The following CSMD1 variants were observed in gnomAD, a reference collection of about 807,000 sequenced individuals.
CSMD1 encodes the protein CUB and sushi domain-containing protein 1.
Under a neutral mutation model 417.5 loss-of-function variants are expected in CSMD1, and 213 were observed. The ratio of observed to expected loss-of-function variants is 0.51; its 90% CI spans 0.46 to 0.57. The LOEUF (loss-of-function observed/expected upper bound fraction) is 0.57, where lower values mean the gene tolerates loss of function less well. Ranked by LOEUF, CSMD1 falls within the 20% of genes least tolerant of loss-of-function variation. The probability of loss-of-function intolerance (pLI) is 0.00; values close to 1 mark genes in which losing one functional copy is unlikely to be tolerated. For missense variants in CSMD1, 6,923 were observed against 4,529.7 expected, an observed-to-expected ratio of 1.53 and a Z score of -15.17; for synonymous variants, 2,862 against 1,736.8, an observed-to-expected ratio of 1.65 and a Z score of -16.11.
Position 3,935,581 on chromosome 8 carries a change from C to T in CSMD1, c.818+62322G>A, listed in dbSNP as rs1349112739. On this transcript the variant is annotated intron_variant, in intron 5 of 69. Coordinates refer to ENST00000635120, the MANE Select transcript of CSMD1 (RefSeq NM_033225.6). ...ATATGATTGTACTTGCTATGGTGAT[C>T]TGTCATCAGTAATTTTTGTTGTAAC... Among the ~76,000 whole-genome samples, 4 of 152,082 alleles carry T rather than the reference C, an allele frequency of 2.6e-5. No homozygotes were observed. In the East Asian group the frequency reaches 7.7e-4, roughly 29 times the overall value.
intron 3 of CSMD1, among the ~76,000 whole-genome samples, chr8:4,279,357 G>A (rs993241948): frequency 3.9e-5 from 6 of 152,088 alleles, no homozygotes; most frequent in Non-Finnish European, 4.4e-5. Flanking sequence ...GGTGGCAAAC[G>A]GACATCTCAA....
Position 4,815,734 on chromosome 8 carries a change from C to G in CSMD1, c.86-178176G>C, listed in dbSNP as rs62484626. 8.4e-3 allele frequency among the ~76,000 whole-genome samples: 1,250 copies of G among 148,188 alleles called. 10 individuals are homozygous for G. Among genetic ancestry groups the G allele is most frequent in the Non-Finnish European group, 0.014 (963 of 67,176 alleles). The stretch of plus-strand genomic sequence containing the variant: ...AAAAAAAAAAGAAGAGAAAGGAAAC[C>G]TTTAAATCTTTTTAAAAGGAGTTTA... On this transcript the variant is annotated intron_variant, in intron 1 of 69. Coordinates refer to ENST00000635120, the MANE Select transcript of CSMD1 (RefSeq NM_033225.6).
chr8:3,989,736 A>G (rs1218776464), intron 5 of CSMD1, among the ~76,000 whole-genome samples: 2 of 152,246 alleles, frequency 1.3e-5, no homozygotes, highest in Non-Finnish European at 2.9e-5. Flanking sequence ...TACTAAAGTC[A>G]TAGGTGGGAA....
At chr8:4,285,320 CCTTTA>C (rs1797003202) in intron 3 of CSMD1, among the ~76,000 whole-genome samples, 1 of 152,240 alleles carries the variant, frequency 6.6e-6, no homozygotes, top group East Asian at 1.9e-4. Flanking sequence ...CATGTGCAGT[CCTTTA>C]CTTTATATTT....
intron 3 of CSMD1, among the ~76,000 whole-genome samples, chr8:4,146,231 A>T (rs1440260130): frequency 6.6e-6 from 1 of 151,016 alleles, no homozygotes; most frequent in Non-Finnish European, 1.5e-5. Flanking sequence ...GAACTTGGAG[A>T]AAACCTCTCC....
At chr8:3,496,693 G>T (rs989767747) in intron 10 of CSMD1, among the ~76,000 whole-genome samples, 1 of 152,088 alleles carries the variant, frequency 6.6e-6, no homozygotes, top group Non-Finnish European at 1.5e-5. Flanking sequence ...TGGCATGGTG[G>T]CGTGTGCCTA....
intron 1 of CSMD1, among the ~76,000 whole-genome samples, chr8:4,657,166 G>A (rs1251485487): frequency 6.6e-6 from 1 of 152,118 alleles, no homozygotes; most frequent in African/African-American, 2.4e-5. Flanking sequence ...TCACACATAT[G>A]CCCAGGGCAG....
chr8:3,784,020 A>G (rs1428707823), intron 5 of CSMD1, among the ~76,000 whole-genome samples: 4 of 152,208 alleles, frequency 2.6e-5, no homozygotes, highest in Non-Finnish European at 5.9e-5. Flanking sequence ...AATGTTTATC[A>G]TCGTACAACA....
At chr8:3,972,551 A>G (rs1813159789) in intron 5 of CSMD1, among the ~76,000 whole-genome samples, 1 of 152,136 alleles carries the variant, frequency 6.6e-6, no homozygotes, top group Non-Finnish European at 1.5e-5. Context: ...GTGACCACAT[A>G]TTGCTCACAG....
At chr8:4,472,283 T>TA (rs1230045196) in intron 2 of CSMD1, among the ~76,000 whole-genome samples, 2 of 152,168 alleles carry the variant, frequency 1.3e-5, no homozygotes, top group African/African-American at 4.8e-5. Flanking sequence ...TTCTAATAAT[T>TA]AAAAAAGTAA....
At position 3,524,574 on chromosome 8, in the gene CSMD1, CACTT is replaced by C. The variant is rs1393059583; in HGVS notation, c.1345-30852_1345-30849del. 7.1e-5 allele frequency among the ~76,000 whole-genome samples: 10 copies of C among 141,522 alleles called. No homozygotes were observed. In the East Asian group the frequency reaches 2.0e-3, roughly 29 times the overall value. The allele number at this position is 141,522 out of a possible 152,430, so 92.8% of individuals were successfully genotyped here. ...ATGCACACACACATGCATACCCAGACACTTATGCACACACAAGGACACACATCCA... is the reference window on the plus strand; with the variant it reads ...ATGCACACACACATGCATACCCAGACATGCACACACAAGGACACACATCCA... On this transcript the variant is annotated intron_variant, in intron 10 of 69. Coordinates refer to ENST00000635120, the MANE Select transcript of CSMD1 (RefSeq NM_033225.6).
intron 10 of CSMD1, among the ~76,000 whole-genome samples, chr8:3,554,713 T>A (rs1394001480): frequency 6.6e-6 from 1 of 152,172 alleles, no homozygotes; most frequent in African/African-American, 2.4e-5. Context: ...TTAATCAGAA[T>A]GTTGAGAGCT....
In CSMD1 at chr8:3,052,602, G is replaced by C. The variant is rs1811895092; in HGVS notation, c.7520C>G (p.Thr2507Ser). The part of the protein sequence containing the change: ...IPESPGNGSF[T>S]GNEFTLDSKV... ...ACTGTCCAAAGTGAACTCGTTCCCG[G>C]TAAATGAACCGTTTCCTGGGGATTC... The change falls in exon 50 of 70, where the codon ACC becomes AGC. Residue 2507 changes from threonine (T) to serine (S), a missense_variant. Thr to Ser is a moderately conservative substitution (Grantham distance 58, BLOSUM62 1). Transcript: ENST00000635120. 3 of 1,611,888 alleles carry C rather than the reference G, an allele frequency of 1.9e-6. No homozygotes were observed. The highest frequency in any genetic ancestry group is 2.2e-5 in the South Asian group (2 of 90,386).
intron 62 of CSMD1, among the ~76,000 whole-genome samples, chr8:2,959,023 A>C (rs1017280994): frequency 6.6e-6 from 1 of 152,258 alleles, no homozygotes; most frequent in Non-Finnish European, 1.5e-5. Flanking sequence ...AATTTATCTA[A>C]ATGTCAAATC....
intron 3 of CSMD1, among the ~76,000 whole-genome samples, chr8:4,280,753 T>C (rs1796738147): frequency 6.6e-6 from 1 of 152,228 alleles, no homozygotes; most frequent in South Asian, 2.1e-4. Context: ...AGTACCCATA[T>C]TTTTAAAAAC....
chr8:4,212,810 G>A (rs1214473058), intron 3 of CSMD1, among the ~76,000 whole-genome samples: 2 of 125,516 alleles, frequency 1.6e-5, no homozygotes, highest in Non-Finnish European at 3.1e-5. Context: ...GCTTTTACCA[G>A]CCAGTTCATG....
At chr8:4,414,041 G>T (rs1359251771) in intron 3 of CSMD1, among the ~76,000 whole-genome samples, 1 of 151,950 alleles carries the variant, frequency 6.6e-6, no homozygotes, top group African/African-American at 2.4e-5. Context: ...TCTTGAAAAG[G>T]AAACATTTCT....
chr8:3,519,283 G>A (rs1797405001), intron 10 of CSMD1, among the ~76,000 whole-genome samples: 3 of 152,124 alleles, frequency 2.0e-5, no homozygotes, highest in African/African-American at 7.2e-5. Context: ...GAAAATACCT[G>A]AGTCTTCAAA....
At chr8:3,103,168 T>C (rs1370937532) in intron 46 of CSMD1, among the ~76,000 whole-genome samples, 1 of 152,192 alleles carries the variant, frequency 6.6e-6, no homozygotes, top group Non-Finnish European at 1.5e-5. Context: ...CATAGACATA[T>C]AGCTAAGGAG....
Sources: allele counts gnomAD v4.1 joint callset (sites outside exome capture counted in the v4.1 genomes callset), GRCh38; gene constraint gnomAD v4.1.1; transcripts MANE v1.5; gene names NCBI Gene and HGNC (gene_info 2026-07-23, HGNC 2026-07-21).